ACTL6B: variants seen among roughly 807,000 people sequenced by gnomAD.
ACTL6B encodes actin like 6B, also known as actin-like protein 6B.
ACTL6B carries 48 observed loss-of-function variants against 63.3 expected under a neutral mutation model. That is an observed-to-expected ratio of 0.76 (90% confidence interval 0.60 to 0.96). ACTL6B has a LOEUF of 0.96. ACTL6B is among the 50% of genes least tolerant of loss of function. ACTL6B has a pLI of 0.00. For synonymous variants in ACTL6B, 230 were observed against 223.8 expected (o/e 1.03, Z -0.25); for missense variants, 350 against 572.2 (o/e 0.61, Z 3.96).
chr7:100,655,130 A>G lies in ACTL6B; in HGVS notation c.269-11T>C, dbSNP rs1348728789. On this transcript the variant is annotated splice_polypyrimidine_tract_variant and intron_variant, in intron 3 of 13. Coordinates refer to ENST00000160382, the MANE Select transcript of ACTL6B (RefSeq NM_016188.5). The surrounding 1 kb of genome is among the most constrained non-coding windows in gnomAD (Gnocchi z 4.4). Reference sequence around the variant, plus strand: ...ACTCCCAGTCCTCGACTGGGGCCAGAAGAGCAGCGTGCAGAGACGCAAGAA... The same window carrying G: ...ACTCCCAGTCCTCGACTGGGGCCAGGAGAGCAGCGTGCAGAGACGCAAGAA... 1 of 1,609,336 alleles carries G rather than the reference A, an allele frequency of 6.2e-7. No homozygotes were observed. The highest frequency in any genetic ancestry group is 8.5e-7 in the Non-Finnish European group (1 of 1,175,936).
chr7:100,650,010 A>G (rs771765301), intron 5 of ACTL6B, 28 bp downstream of exon 5: 2 of 1,607,482 alleles, frequency 1.2e-6, no homozygotes, highest in East Asian at 2.2e-5. Flanking sequence ...CCCTCCACCC[A>G]GTCAGAGCAG....
chr7:100,653,183 C>T (rs1803974844), intron 4 of ACTL6B, among the ~76,000 whole-genome samples: 1 of 151,480 alleles, frequency 6.6e-6, no homozygotes, highest in African/African-American at 2.4e-5. Flanking sequence ...CACAGTGACT[C>T]ATGCCTGTAA....
In ACTL6B at chr7:100,647,344, C is replaced by T. The variant is rs992192261; in HGVS notation, c.760-60G>A. 1.0e-5 allele frequency: 16 copies of T among 1,603,938 alleles called. No individual in the cohort carries two copies. Among genetic ancestry groups the T allele is most frequent in the African/African-American group, 9.4e-5 (7 of 74,738 alleles). ...TCCCCGTGAGCAGCACCCCCTGCCCCGCTCCCCCTCCCTGCTCCCCCTCCC... is the reference window on the plus strand; with the variant it reads ...TCCCCGTGAGCAGCACCCCCTGCCCTGCTCCCCCTCCCTGCTCCCCCTCCC... On this transcript the variant is annotated intron_variant, in intron 8 of 13. Coordinates refer to ENST00000160382, the MANE Select transcript of ACTL6B (RefSeq NM_016188.5). This position sits in a 1 kb window ranked among gnomAD's most constrained non-coding sequence, Gnocchi z 4.4.
intron 5 of ACTL6B, among the ~76,000 whole-genome samples, chr7:100,649,734 C>A (rs1436593128): frequency 2.6e-5 from 4 of 152,202 alleles, no homozygotes; most frequent in Admixed American, 2.0e-4. Flanking sequence ...GAAGGGACTG[C>A]CGCAGTGTTC....
At chr7:100,653,755 A>C (rs1157573087) in intron 4 of ACTL6B, among the ~76,000 whole-genome samples, 1 of 152,170 alleles carries the variant, frequency 6.6e-6, no homozygotes, top group Non-Finnish European at 1.5e-5. Context: ...CGTGTGGCAT[A>C]GGCTGGGGAG....
At chr7:100,653,976 A>AT (rs910520585) in intron 4 of ACTL6B, among the ~76,000 whole-genome samples, 199 of 144,790 alleles carry the variant, frequency 1.4e-3, no homozygotes, top group East Asian at 6.4e-3. Context: ...GAGGTTTTAA[A>AT]TTTTTTTTTT....
chr7:100,644,424 A>G (rs1803782159), intron 13 of ACTL6B, among the ~76,000 whole-genome samples: 1 of 151,992 alleles, frequency 6.6e-6, no homozygotes, highest in African/African-American at 2.4e-5. Flanking sequence ...CCAAATTGAG[A>G]CGTGCTCTAA....
chr7:100,648,381 A>G lies in ACTL6B; in HGVS notation c.669+175T>C. 1 of 587,850 alleles carries G rather than the reference A, an allele frequency of 1.7e-6. No homozygotes were observed. The allele number at this position is 587,850 out of a possible 1,614,324, so 36.4% of individuals were successfully genotyped here. A position where few individuals can be genotyped will look rare whatever the true frequency, so the allele number is the denominator to read the frequency against. On this transcript the variant is annotated intron_variant, in intron 7 of 13. Coordinates refer to ENST00000160382, the MANE Select transcript of ACTL6B (RefSeq NM_016188.5). This position sits in a 1 kb window ranked among gnomAD's most constrained non-coding sequence, Gnocchi z 4.4. Reference sequence around the variant, plus strand: ...CCAGCTGGTTTCATGACCTCAGCATATCCCTCAGCCTGTCTGGATTTCGGA... The same window carrying G: ...CCAGCTGGTTTCATGACCTCAGCATGTCCCTCAGCCTGTCTGGATTTCGGA...
intron 4 of ACTL6B, among the ~76,000 whole-genome samples, chr7:100,654,804 A>G (rs1804007258): frequency 1.3e-5 from 2 of 151,792 alleles, no homozygotes; most frequent in Admixed American, 6.6e-5. Flanking sequence ...TTGGAGACAG[A>G]GAAGGGCAGC....
intron 13 of ACTL6B, 101 bp from the exon 14 acceptor site, chr7:100,643,427 C>G (rs1803760692): frequency 6.6e-6 from 8 of 1,212,674 alleles, no homozygotes; most frequent in Non-Finnish European, 8.4e-6. Flanking sequence ...CCAACCACCC[C>G]TTGGGTTCAC....
chr7:100,647,054 C>T lies in ACTL6B; in HGVS notation c.853G>A (p.Glu285Lys), dbSNP rs770850244. Residue 285 changes from glutamate to lysine, a missense_variant, in exon 10 of 14, where the codon GAG becomes AAG. By Grantham distance (56) the Glu-to-Lys change is moderately conservative. Transcript: ENST00000160382. This position sits in a 1 kb window ranked among gnomAD's most constrained non-coding sequence, Gnocchi z 4.4. ...TCTGTATTGTAGCCATTGGGCATCT[C>T]GTAGTGCACTGTGGGCATTTGTGCA... ...VAAQMPTVHY[E>K]MPNGYNTDYG... 2 of 1,614,106 alleles carry T rather than the reference C, an allele frequency of 1.2e-6. No homozygotes were observed. Among genetic ancestry groups the T allele is most frequent in the East Asian group, 2.2e-5 (1 of 44,872 alleles).
intron 1 of ACTL6B, 135 bp from the exon 2 acceptor site, chr7:100,656,014 G>T: frequency 1.1e-6 from 1 of 913,328 alleles, no homozygotes; most frequent in Non-Finnish European, 1.6e-6. Flanking sequence ...AGCTGGGCCT[G>T]GAGTCCGAGG....
intron 5 of ACTL6B, among the ~76,000 whole-genome samples, chr7:100,649,173 T>C (rs1276420099): frequency 2.0e-5 from 3 of 151,172 alleles, no homozygotes; most frequent in Non-Finnish European, 4.4e-5. Flanking sequence ...TTCGTATTTT[T>C]AGTAGAGATG....
rs1238582303 is a variant in ACTL6B at position 100,648,940 on chromosome 7, C to T, written c.468-117G>A. On this transcript the variant is annotated intron_variant, in intron 5 of 13. Transcript: ENST00000160382. This position sits in a 1 kb window ranked among gnomAD's most constrained non-coding sequence, Gnocchi z 4.4. ...TCCAGCCCATCCCCAGTCTGCAAAT[C>T]TCTCCCCCTGGTGATGACTCATCTC... 4 of 955,100 alleles carry T rather than the reference C, an allele frequency of 4.2e-6. No homozygotes were observed. The highest frequency in any genetic ancestry group is 1.7e-5 in the African/African-American group (1 of 60,064). 59.2% of individuals were successfully genotyped at this position (955,100 alleles called of 1,614,324 possible). A position where few individuals can be genotyped will look rare whatever the true frequency, so the allele number is the denominator to read the frequency against.
rs763064455 is a variant in ACTL6B, at chr7:100,655,586, C to T, written c.103G>A (p.Ala35Thr). 6.2e-7 allele frequency: 1 copy of T among 1,611,200 alleles called. No individual in the cohort carries two copies. The highest frequency in any genetic ancestry group is 1.7e-5 in the Admixed American group (1 of 59,844). ...AGYAGEDCPK[A>T]DFPTTVGLLA... is the part of the protein sequence containing the mutation. ...AGCCCCACTGTGGTGGGGAAGTCAG[C>T]CTGGTGGGGAAGGGTTGGGGGAGTA... Residue 35 changes from alanine (A) to threonine (T), a missense_variant and splice_region_variant, in exon 3 of 14, where the codon GCT becomes ACT. By Grantham distance (58) the Ala-to-Thr change is moderately conservative. Coordinates refer to ENST00000160382, the MANE Select transcript of ACTL6B (RefSeq NM_016188.5). This position sits in a 1 kb window ranked among gnomAD's most constrained non-coding sequence, Gnocchi z 4.4.
chr7:100,651,252 T>A (rs559129528), intron 4 of ACTL6B, among the ~76,000 whole-genome samples: 109 of 152,292 alleles, frequency 7.2e-4, no homozygotes, highest in African/African-American at 1.9e-3. Context: ...GACCTTATTT[T>A]AAATTTTTTT....
At chr7:100,649,990 C>T in intron 5 of ACTL6B, 48 bp downstream of exon 5, 1 of 1,566,898 alleles carries the variant, frequency 6.4e-7, no homozygotes, top group Non-Finnish European at 8.8e-7. Context: ...CAGCACAGGC[C>T]CCACCCCAGC....
intron 4 of ACTL6B, among the ~76,000 whole-genome samples, chr7:100,653,175 C>T (rs1803974651): frequency 6.6e-6 from 1 of 151,356 alleles, no homozygotes; most frequent in Non-Finnish European, 1.5e-5. Flanking sequence ...GGGCTGAGCA[C>T]AGTGACTCAT....
chr7:100,648,969 G>A lies in ACTL6B; in HGVS notation c.468-146C>T, dbSNP rs925854477. ...CCCCCTGGTGATGACTCATCTCCTG[G>A]AGAAAGGCTCTGAGACCCCAGTTAC... On this transcript the variant is annotated intron_variant, in intron 5 of 13. Transcript: ENST00000160382. This position sits in a 1 kb window ranked among gnomAD's most constrained non-coding sequence, Gnocchi z 4.4. 7.1e-6 allele frequency: 5 copies of A among 701,032 alleles called. No homozygotes were observed. The highest frequency in any genetic ancestry group is 1.8e-5 in the African/African-American group (1 of 54,426). The allele number at this position is 701,032 out of a possible 1,614,324, so 43.4% of individuals were successfully genotyped here.
Sources: gnomAD v4.1 joint callset for allele counts (sites outside exome capture counted in the v4.1 genomes callset) on GRCh38, gnomAD v4.1.1 for gene constraint, Gnocchi (gnomAD v3.1) non-coding constraint, MANE v1.5 for transcripts, NCBI Gene and HGNC (gene_info 2026-07-23, HGNC 2026-07-21) for gene names.